Variants in QRICH1 observed in about 807,000 individuals in gnomAD.
The protein encoded by QRICH1 is glutamine rich 1.
A neutral mutation model predicts 87.1 loss-of-function variants in QRICH1; 16 were observed. The ratio of observed to expected loss-of-function variants is 0.18; its 90% CI spans 0.12 to 0.28. The LOEUF (loss-of-function observed/expected upper bound fraction) is 0.28. Among genes scored for constraint, QRICH1 ranks in the 10% least tolerant of loss-of-function variants. The probability of loss-of-function intolerance (pLI) is 1.00; values close to 1 mark genes in which losing one functional copy is unlikely to be tolerated. For missense variants in QRICH1, 647 were observed against 951.7 expected, an observed-to-expected ratio of 0.68 and a Z score of 4.21; for synonymous variants, 367 against 368.4, an observed-to-expected ratio of 1.00 and a Z score of 0.05.
Position 49,030,015 on chromosome 3 carries a change from GAAGA to G in QRICH1, c.*433_*436del, listed in dbSNP as rs1215822228. The stretch of plus-strand genomic sequence containing the variant: ...AGATGCTAAGTTTATGTCTGATCAT[GAAGA>G]AAGAAAAGAACATCGTTCCCCTGTG... On this transcript the variant is annotated 3_prime_UTR_variant, in exon 10 of 10. Coordinates refer to ENST00000395443, the MANE Select transcript of QRICH1 (RefSeq NM_198880.3). 8.3e-6 allele frequency: 2 copies of G among 241,934 alleles called. No individual in the cohort carries two copies. Among genetic ancestry groups the G allele is most frequent in the African/African-American group, 2.2e-5 (1 of 44,750 alleles). 15.0% of individuals were successfully genotyped at this position (241,934 alleles called of 1,614,324 possible). A position where few individuals can be genotyped will look rare whatever the true frequency, so the allele number is the denominator to read the frequency against.
intron 1 of QRICH1, chr3:49,093,546 T>C (rs1373047121): frequency 6.6e-6 from 1 of 150,486 alleles, no homozygotes; most frequent in Non-Finnish European, 1.5e-5. Context: ...GGGCGCGCGC[T>C]CCAGAAAGCC....
In QRICH1 at chr3:49,063,865, A is replaced by T. The variant is rs2093450026; in HGVS notation, c.310-5975T>A. Among the ~76,000 whole-genome samples, 5 of 152,288 alleles carry T rather than the reference A, an allele frequency of 3.3e-5. No individual in the cohort carries two copies. The South Asian group carries it at 8.3e-4, about 25-fold the overall frequency. The stretch of plus-strand genomic sequence containing the variant: ...TTGTTTACATAGGTTATATCTAGTA[A>T]TATTTACTTGTACTCTAAATTAAAA... On this transcript the variant is annotated intron_variant, in intron 2 of 9. Transcript: ENST00000395443.
chr3:49,092,992 G>A (rs953890704), intron 1 of QRICH1, among the ~76,000 whole-genome samples: 1 of 152,220 alleles, frequency 6.6e-6, no homozygotes, highest in Admixed American at 6.5e-5. Flanking sequence ...GCATTTTAGA[G>A]CTCGGAGTTC....
intron 1 of QRICH1, among the ~76,000 whole-genome samples, chr3:49,083,061 T>C (rs1051230578): frequency 1.4e-5 from 2 of 147,470 alleles, no homozygotes; most frequent in African/African-American, 5.0e-5. Flanking sequence ...ACAAAATGAG[T>C]TGGGCATGGT....
chr3:49,061,283 C>T (rs2093433208), intron 2 of QRICH1, among the ~76,000 whole-genome samples: 1 of 151,748 alleles, frequency 6.6e-6, no homozygotes, highest in African/African-American at 2.4e-5. Context: ...ACGTTGGGGA[C>T]CACTGCTTTA....
chr3:49,055,034 AG>A (rs1421700705), intron 3 of QRICH1, among the ~76,000 whole-genome samples: 3 of 152,202 alleles, frequency 2.0e-5, no homozygotes, highest in Admixed American at 1.3e-4. Context: ...AATAATTCGA[AG>A]GAAAAGAAAT....
intron 2 of QRICH1, among the ~76,000 whole-genome samples, chr3:49,059,997 G>GT (rs2093425783): frequency 6.6e-6 from 1 of 151,048 alleles, no homozygotes; most frequent in African/African-American, 2.4e-5. Context: ...CGATTCTCCT[G>GT]TGTCAGCCTC....
Position 49,059,168 on chromosome 3 carries a change from T to TGTTAGCCAGGATG in QRICH1, c.310-1291_310-1279dup, listed in dbSNP as rs1217577335. ...TTTTAGTAGAGATGGAATTTCACCA[T>TGTTAGCCAGGATG]GTTAGCCAGGATGGTCTCCATCTCC... On this transcript the variant is annotated intron_variant, in intron 2 of 9. Coordinates refer to ENST00000395443, the MANE Select transcript of QRICH1 (RefSeq NM_198880.3). Among the ~76,000 whole-genome samples, 4 of 151,412 alleles carry TGTTAGCCAGGATG rather than the reference T, an allele frequency of 2.6e-5. 1 individual carries two copies. The highest frequency in any genetic ancestry group is 9.7e-5 in the African/African-American group (4 of 41,244).
chr3:49,038,552 T>A (rs2093289790), intron 6 of QRICH1, among the ~76,000 whole-genome samples: 1 of 151,422 alleles, frequency 6.6e-6, no homozygotes, highest in Non-Finnish European at 1.5e-5. Context: ...GTAGCTGGGA[T>A]TACAGGCTCC....
At chr3:49,050,608 A>T (rs2093364944) in intron 3 of QRICH1, among the ~76,000 whole-genome samples, 1 of 152,038 alleles carries the variant, frequency 6.6e-6, no homozygotes, top group Non-Finnish European at 1.5e-5. Flanking sequence ...CAGGGCAAAG[A>T]GCTGATTCAA....
Position 49,047,965 on chromosome 3 carries a change from C to A in QRICH1, c.1339-719G>T, listed in dbSNP as rs374117788. 2.6e-5 allele frequency among the ~76,000 whole-genome samples: 4 copies of A among 152,114 alleles called. No homozygotes were observed. The East Asian group carries it at 7.7e-4, about 29-fold the overall frequency. On this transcript the variant is annotated intron_variant, in intron 3 of 9. Transcript: ENST00000395443. The stretch of plus-strand genomic sequence containing the variant: ...GAAAAAACAAAACAAAACAAAAAAA[C>A]TCCTCAAGTAAAAAAGTAATTCTAA...
Position 49,042,168 on chromosome 3 carries a change from G to A in QRICH1, c.1786+2222C>T, listed in dbSNP as rs145212762. Among the ~76,000 whole-genome samples the A allele has an allele frequency of 7.5e-3, 1,132 of 150,964 alleles. 9 individuals carry two copies. The highest frequency in any genetic ancestry group is 0.026 in the African/African-American group (1,080 of 41,044). On this transcript the variant is annotated intron_variant, in intron 6 of 9. Coordinates refer to ENST00000395443, the MANE Select transcript of QRICH1 (RefSeq NM_198880.3). Reference sequence around the variant, plus strand: ...GCTGGAGTGCAGTGGCACGATCTCAGCTCACTGCAAGCTCTGCCTCCCAGG... The same window carrying A: ...GCTGGAGTGCAGTGGCACGATCTCAACTCACTGCAAGCTCTGCCTCCCAGG...
At chr3:49,043,552 A>T (rs1249613698) in intron 6 of QRICH1, among the ~76,000 whole-genome samples, 1 of 135,032 alleles carries the variant, frequency 7.4e-6, no homozygotes, top group Non-Finnish European at 1.6e-5. Context: ...TAGGCCAGGC[A>T]CGGTGGTGGC....
intron 1 of QRICH1, among the ~76,000 whole-genome samples, chr3:49,081,370 C>CT (rs2042056130): frequency 6.6e-6 from 1 of 150,786 alleles, no homozygotes; most frequent in Non-Finnish European, 1.5e-5. Context: ...TGAGCCGAGA[C>CT]TGCACCACTG....
At chr3:49,054,686 C>G (rs957111493) in intron 3 of QRICH1, among the ~76,000 whole-genome samples, 1 of 152,158 alleles carries the variant, frequency 6.6e-6, no homozygotes, top group Non-Finnish European at 1.5e-5. Flanking sequence ...GGGAGGATCA[C>G]TTGAGGCCAG....
At chr3:49,090,881 G>A (rs2042263206) in intron 1 of QRICH1, among the ~76,000 whole-genome samples, 3 of 152,126 alleles carry the variant, frequency 2.0e-5, no homozygotes, top group African/African-American at 4.8e-5. Flanking sequence ...GTCTGAAGAG[G>A]ACTTAAAACA....
At chr3:49,063,568 T>C (rs1321433044) in intron 2 of QRICH1, among the ~76,000 whole-genome samples, 1 of 152,196 alleles carries the variant, frequency 6.6e-6, no homozygotes. Context: ...GCAGGAAAAC[T>C]GCTTGAGCCC....
intron 1 of QRICH1, among the ~76,000 whole-genome samples, chr3:49,085,758 CAA>C (rs1160204334): frequency 2.0e-4 from 16 of 78,246 alleles, no homozygotes; most frequent in Admixed American, 4.3e-4. Flanking sequence ...AACTCCATCT[CAA>C]AAAAAAAAAA....
At position 49,046,327 on chromosome 3, in the gene QRICH1, CTTATT is replaced by C. The variant is rs1365847083; in HGVS notation, c.1671+93_1671+97del. On this transcript the variant is annotated intron_variant, in intron 5 of 9. Transcript: ENST00000395443. ...CACTGTATACCTGAAAGAGAACTTC[CTTATT>C]TTAACTTCTTGCTTATCAATTTATT... 5.4e-6 allele frequency: 7 copies of C among 1,290,694 alleles called. No individual in the cohort carries two copies. The East Asian group carries it at 1.4e-4, about 27-fold the overall frequency. 80.0% of individuals were successfully genotyped at this position (1,290,694 alleles called of 1,614,324 possible).
Sources: gnomAD v4.1 joint callset for allele counts (sites outside exome capture counted in the v4.1 genomes callset) on GRCh38, gnomAD v4.1.1 for gene constraint, MANE v1.5 for transcripts, NCBI Gene and HGNC (gene_info 2026-07-23, HGNC 2026-07-21) for gene names.